Variants in HTR4 observed in about 807,000 individuals in gnomAD.
HTR4 encodes 5-hydroxytryptamine (serotonin) receptor 4, G protein-coupled.
A neutral mutation model predicts 36.8 loss-of-function variants in HTR4; 16 were observed. The observed-to-expected ratio is 0.43, with a 90% CI of 0.29 to 0.66. HTR4 has a LOEUF of 0.66. HTR4 is among the 30% of genes least tolerant of loss of function. The pLI, the probability that HTR4 is intolerant of heterozygous loss-of-function variation, is 0.13. For synonymous variants in HTR4, 189 were observed against 185.1 expected, an observed-to-expected ratio of 1.02 and a Z score of -0.17; for missense variants, 438 against 490.9, an observed-to-expected ratio of 0.89 and a Z score of 1.02.
chr5:148,632,459 G>T (rs1304934611), intron 2 of HTR4, among the ~76,000 whole-genome samples: 1 of 152,166 alleles, frequency 6.6e-6, no homozygotes, highest in Non-Finnish European at 1.5e-5. Context: ...CCCAGGGACT[G>T]CAGGGTCAGT....
intron 6 of HTR4, among the ~76,000 whole-genome samples, chr5:148,487,553 G>A (rs1041127302): frequency 1.3e-5 from 2 of 152,166 alleles, no homozygotes; most frequent in South Asian, 2.1e-4. Flanking sequence ...CTTTGACAGC[G>A]AGGGTAGGAG....
chr5:148,514,957 T>G (rs1184216684), intron 5 of HTR4, among the ~76,000 whole-genome samples: 1 of 152,164 alleles, frequency 6.6e-6, no homozygotes, highest in Non-Finnish European at 1.5e-5. Flanking sequence ...CATATATTTG[T>G]ATTTTGTTTT....
At chr5:148,460,551 A>G (rs1275253982) in intron 5 of HTR4, among the ~76,000 whole-genome samples, 3 of 152,124 alleles carry the variant, frequency 2.0e-5, no homozygotes, top group Non-Finnish European at 4.4e-5. Context: ...ATTATCCTCC[A>G]AAAGTAAAGG....
intron 4 of HTR4, among the ~76,000 whole-genome samples, chr5:148,537,483 G>A (rs1490313668): frequency 6.6e-6 from 1 of 151,774 alleles, no homozygotes; most frequent in Non-Finnish European, 1.5e-5. Flanking sequence ...AAGATAGATA[G>A]GATACTAGCT....
At chr5:148,515,809 C>G (rs773182120) in intron 5 of HTR4, among the ~76,000 whole-genome samples, 3 of 151,612 alleles carry the variant, frequency 2.0e-5, no homozygotes, top group Non-Finnish European at 4.4e-5. Context: ...CTTTATTTAA[C>G]CTGCTGGGGT....
At chr5:148,544,997 T>C (rs139940369) in intron 4 of HTR4, among the ~76,000 whole-genome samples, 7 of 152,364 alleles carry the variant, frequency 4.6e-5, no homozygotes, top group Middle Eastern at 3.4e-3. Context: ...ACATTCACTC[T>C]GTGCTTTGGC....
At chr5:148,582,822 A>C (rs900784126) in intron 2 of HTR4, among the ~76,000 whole-genome samples, 2 of 152,134 alleles carry the variant, frequency 1.3e-5, no homozygotes, top group Non-Finnish European at 2.9e-5. Flanking sequence ...TATCAGCTTA[A>C]GGAGATTTTG....
At chr5:148,537,497 G>A (rs1758884352) in intron 4 of HTR4, among the ~76,000 whole-genome samples, 1 of 151,886 alleles carries the variant, frequency 6.6e-6, no homozygotes, top group Non-Finnish European at 1.5e-5. Flanking sequence ...ACTAGCTAAA[G>A]TAATAAAGAA....
At chr5:148,497,083 A>G (rs889230627) in intron 6 of HTR4, among the ~76,000 whole-genome samples, 15 of 152,314 alleles carry the variant, frequency 9.8e-5, no homozygotes, top group African/African-American at 3.6e-4. Flanking sequence ...GCTCTTCTTC[A>G]GTAAAGTTTT....
At chr5:148,511,387 G>T (rs1363007640) in intron 5 of HTR4, among the ~76,000 whole-genome samples, 5 of 151,864 alleles carry the variant, frequency 3.3e-5, no homozygotes, top group Non-Finnish European at 1.5e-5. Flanking sequence ...AATTTTATTT[G>T]TTTTCCAACT....
At chr5:148,457,347 C>T (rs887222756) in intron 5 of HTR4, among the ~76,000 whole-genome samples, 21 of 152,124 alleles carry the variant, frequency 1.4e-4, no homozygotes, top group Non-Finnish European at 2.2e-4. Flanking sequence ...GGTTGCTTCC[C>T]CCATTTGCAT....
chr5:148,521,050 C>T (rs1757990442), intron 5 of HTR4: 1 of 1,348,698 alleles, frequency 7.4e-7, no homozygotes, highest in Non-Finnish European at 9.9e-7. Context: ...TCCTGTTGCT[C>T]TTAATCTCTC....
At chr5:148,515,775 G>A (rs950911247) in intron 5 of HTR4, among the ~76,000 whole-genome samples, 1 of 151,852 alleles carries the variant, frequency 6.6e-6, no homozygotes, top group Non-Finnish European at 1.5e-5. Context: ...TTTTTTAAAT[G>A]AATTTTCTAG....
At chr5:148,644,406 G>A (rs1039812922) in intron 1 of HTR4, among the ~76,000 whole-genome samples, 16 of 133,200 alleles carry the variant, frequency 1.2e-4, no homozygotes, top group African/African-American at 3.2e-4. Context: ...AAGATGAATA[G>A]GTCTCAAGCT....
intron 2 of HTR4, among the ~76,000 whole-genome samples, chr5:148,618,665 G>C (rs1401374068): frequency 1.3e-5 from 2 of 152,140 alleles, no homozygotes; most frequent in African/African-American, 4.8e-5. Flanking sequence ...TTTTAACCTT[G>C]CACACACCTT....
At chr5:148,611,180 C>A (rs1752410398) in intron 2 of HTR4, among the ~76,000 whole-genome samples, 1 of 143,858 alleles carries the variant, frequency 7.0e-6, no homozygotes, top group African/African-American at 2.6e-5. Flanking sequence ...CAGAGAACGC[C>A]ACAAAGATAC....
At chr5:148,570,557 G>A (rs752398405) in intron 2 of HTR4, among the ~76,000 whole-genome samples, 1 of 152,070 alleles carries the variant, frequency 6.6e-6, no homozygotes, top group African/African-American at 2.4e-5. Context: ...AAGTGCAGCC[G>A]TGAGAGCTAC....
intron 2 of HTR4, among the ~76,000 whole-genome samples, chr5:148,600,349 ATT>A (rs34534110): frequency 7.3e-6 from 1 of 137,284 alleles, no homozygotes; most frequent in African/African-American, 3.1e-5. Context: ...ATATATATAT[ATT>A]TTTTTTTCAC....
At chr5:148,617,882 C>T (rs930984902) in intron 2 of HTR4, among the ~76,000 whole-genome samples, 3 of 152,062 alleles carry the variant, frequency 2.0e-5, no homozygotes, top group South Asian at 2.1e-4. Context: ...AGTATGGCTG[C>T]GATGCTAAAA....
Sources: gnomAD v4.1 joint callset for allele counts (sites outside exome capture counted in the v4.1 genomes callset) on GRCh38, gnomAD v4.1.1 for gene constraint, MANE v1.5 for transcripts, NCBI Gene and HGNC (gene_info 2026-07-23, HGNC 2026-07-21) for gene names.